PAQR8: variants seen among roughly 807,000 people sequenced by gnomAD.
The protein encoded by PAQR8 is membrane progestin receptor beta.
In PAQR8, 17 loss-of-function variants were observed where a neutral mutation model predicts 25.2. The observed-to-expected ratio is 0.67, with a 90% CI of 0.46 to 1.01. The LOEUF is 1.01. Ranked by LOEUF, PAQR8 falls within the 50% of genes least tolerant of loss-of-function variation. PAQR8 has a pLI of 0.00. For synonymous variants in PAQR8, 204 were observed against 190.6 expected (o/e 1.07, Z -0.58); for missense variants, 392 against 448.4 (o/e 0.87, Z 1.14).
intron 1 of PAQR8, among the ~76,000 whole-genome samples, chr6:52,397,403 C>T (rs1011917627): frequency 6.6e-6 from 1 of 152,178 alleles, no homozygotes; most frequent in African/African-American, 2.4e-5. Context: ...AAGCCCACTT[C>T]CCCCCAACGC....
chr6:52,393,892 A>G (rs1763738278), intron 1 of PAQR8, among the ~76,000 whole-genome samples: 1 of 152,230 alleles, frequency 6.6e-6, no homozygotes, highest in Admixed American at 6.5e-5. Context: ...GAGATGGGAC[A>G]TGAAGCATGA....
chr6:52,370,810 C>CATGT lies in PAQR8; in HGVS notation c.-53+8566_-53+8569dup, dbSNP rs550049887. Among the ~76,000 whole-genome samples the CATGT allele has an allele frequency of 3.4e-3, 522 of 152,284 alleles. 3 individuals carry two copies. Among genetic ancestry groups the CATGT allele is most frequent in the Non-Finnish European group, 5.6e-3 (384 of 68,024 alleles). ...CTTCGTATCACTTGGCACCACTTCACATGTATGTGTGTGTGTGTTTACTCC... is the reference window on the plus strand; with the variant it reads ...CTTCGTATCACTTGGCACCACTTCACATGTATGTATGTGTGTGTGTGTTTACTCC... On this transcript the variant is annotated intron_variant, in intron 1 of 1. Coordinates refer to ENST00000442253, the MANE Select transcript of PAQR8 (RefSeq NM_133367.5).
At chr6:52,369,832 A>G (rs1050525509) in intron 1 of PAQR8, among the ~76,000 whole-genome samples, 6 of 152,212 alleles carry the variant, frequency 3.9e-5, no homozygotes, top group African/African-American at 1.4e-4. Flanking sequence ...TAAGCAAGAT[A>G]AAGTCATTAC....
intron 1 of PAQR8, among the ~76,000 whole-genome samples, chr6:52,386,941 T>C (rs79151048): frequency 0.01 from 1,549 of 152,356 alleles, 30 homozygotes; most frequent in African/African-American, 0.035. Flanking sequence ...GCTGTAGCTT[T>C]GTGATAGTTT....
intron 1 of PAQR8, among the ~76,000 whole-genome samples, chr6:52,397,298 A>T (rs2113949770): frequency 6.6e-6 from 1 of 152,236 alleles, no homozygotes; most frequent in Admixed American, 6.5e-5. Flanking sequence ...ACCTACCAGG[A>T]AGTCATACCA....
intron 1 of PAQR8, among the ~76,000 whole-genome samples, chr6:52,376,874 TG>T (rs1280444291): frequency 2.6e-5 from 4 of 152,174 alleles, no homozygotes; most frequent in Admixed American, 2.6e-4. Flanking sequence ...AATAGCAAGT[TG>T]GGAATGAATG....
chr6:52,404,936 G>A lies in PAQR8; in HGVS notation c.*658G>A, dbSNP rs1763890775. 1 of 166,970 alleles carries A rather than the reference G, an allele frequency of 6.0e-6. No individual in the cohort carries two copies. Among genetic ancestry groups the A allele is most frequent in the Admixed American group, 6.5e-5 (1 of 15,286 alleles). The allele number at this position is 166,970 out of a possible 1,614,324, so 10.3% of individuals were successfully genotyped here. ...CTTGCATGGTAATATAAAGGACTAG[G>A]AAGCAGTCATACTTCCAGGAAATGC... On this transcript the variant is annotated 3_prime_UTR_variant, in exon 2 of 2. Coordinates refer to ENST00000442253, the MANE Select transcript of PAQR8 (RefSeq NM_133367.5).
intron 1 of PAQR8, among the ~76,000 whole-genome samples, chr6:52,400,629 C>T (rs555725022): frequency 1.3e-5 from 2 of 152,314 alleles, no homozygotes; most frequent in East Asian, 1.9e-4. Flanking sequence ...AAGTCTCTTC[C>T]GCCTTTATCT....
chr6:52,366,373 C>T (rs1346416301), intron 1 of PAQR8, among the ~76,000 whole-genome samples: 1 of 152,180 alleles, frequency 6.6e-6, no homozygotes, highest in Admixed American at 6.5e-5. Flanking sequence ...ATCATGTGCT[C>T]TCTTACAATG....
intron 1 of PAQR8, among the ~76,000 whole-genome samples, chr6:52,374,327 A>G (rs1763456754): frequency 6.6e-6 from 1 of 152,158 alleles, no homozygotes. Flanking sequence ...TTCCTGCTTA[A>G]TAGTTTCCTT....
intron 1 of PAQR8, among the ~76,000 whole-genome samples, chr6:52,363,019 G>T (rs540095719): frequency 6.6e-6 from 1 of 152,236 alleles, no homozygotes; most frequent in South Asian, 2.1e-4. Context: ...CGCTGGGAAC[G>T]TCTGTCTAGG....
rs946961471 is a variant in PAQR8, at chr6:52,403,889, A to G, written c.676A>G (p.Ser226Gly). ...AGGTCTGGCTTTTATCCTAGACATC[A>G]GCCCTGTGGCACACCGTGTGGCGCT... Reference protein sequence around the residue: ...PAGLAFILDISPVAHRVALCH... With the variant: ...PAGLAFILDIGPVAHRVALCH... The change falls in exon 2 of 2, where the codon AGC (serine) becomes GGC (glycine). Residue 226 changes from serine to glycine, a missense_variant. Physicochemically the swap from Ser to Gly is moderately conservative, Grantham distance 56 (BLOSUM62 0). Transcript: ENST00000442253. 6.2e-7 allele frequency: 1 copy of G among 1,614,168 alleles called. No individual in the cohort carries two copies. The highest frequency in any genetic ancestry group is 8.5e-7 in the Non-Finnish European group (1 of 1,180,012).
intron 1 of PAQR8, among the ~76,000 whole-genome samples, chr6:52,391,972 A>G (rs897994290): frequency 2.6e-5 from 4 of 152,234 alleles, no homozygotes; most frequent in African/African-American, 9.6e-5. Context: ...AAAGCAAAAC[A>G]TAGCCCAGAT....
chr6:52,399,895 C>A (rs1763810990), intron 1 of PAQR8, among the ~76,000 whole-genome samples: 1 of 152,198 alleles, frequency 6.6e-6, no homozygotes, highest in South Asian at 2.1e-4. Flanking sequence ...CATCCCAGGC[C>A]CATTCCTGTA....
At chr6:52,373,241 C>T (rs1353571528) in intron 1 of PAQR8, among the ~76,000 whole-genome samples, 1 of 152,150 alleles carries the variant, frequency 6.6e-6, no homozygotes, top group African/African-American at 2.4e-5. Context: ...AAGGACCAGC[C>T]TGAAATATTA....
At position 52,406,418 on chromosome 6, in the gene PAQR8, A is replaced by C. The variant is rs1763910491; in HGVS notation, c.*2140A>C. ...TAAAAGAGAGAACCGGAGGTAGAGC[A>C]ATGATCAGATGGGTGCACAGACCAG... is the stretch of plus-strand genomic sequence containing the variant. On this transcript the variant is annotated 3_prime_UTR_variant, in exon 2 of 2. Coordinates refer to ENST00000442253, the MANE Select transcript of PAQR8 (RefSeq NM_133367.5). 4.8e-6 allele frequency: 2 copies of C among 413,382 alleles called. No homozygotes were observed. Among genetic ancestry groups the C allele is most frequent in the Non-Finnish European group, 8.8e-6 (2 of 226,056 alleles). The allele number at this position is 413,382 out of a possible 1,614,324, so 25.6% of individuals were successfully genotyped here.
chr6:52,364,398 G>T (rs1019361718), intron 1 of PAQR8, among the ~76,000 whole-genome samples: 7 of 152,278 alleles, frequency 4.6e-5, no homozygotes, highest in African/African-American at 1.7e-4. Flanking sequence ...TATCATTCCT[G>T]CAGCAGTGTA....
chr6:52,391,843 A>G (rs1366522258), intron 1 of PAQR8, among the ~76,000 whole-genome samples: 1 of 152,210 alleles, frequency 6.6e-6, no homozygotes, highest in East Asian at 1.9e-4. Flanking sequence ...TTTGTCCTCT[A>G]TCCAACAACC....
intron 1 of PAQR8, among the ~76,000 whole-genome samples, chr6:52,368,031 A>T (rs1277698730): frequency 1.3e-5 from 2 of 152,058 alleles, no homozygotes; most frequent in Non-Finnish European, 2.9e-5. Context: ...GGAGTTCAAG[A>T]CCAGCCTGGG....
Sources: gnomAD v4.1 joint callset for allele counts (sites outside exome capture counted in the v4.1 genomes callset) on GRCh38, gnomAD v4.1.1 for gene constraint, MANE v1.5 for transcripts, NCBI Gene and HGNC (gene_info 2026-07-23, HGNC 2026-07-21) for gene names.